Variants in INPP4B observed in about 807,000 individuals in gnomAD.
INPP4B encodes inositol polyphosphate 4-phosphatase type II.
In INPP4B, 55 loss-of-function variants were observed where a neutral mutation model predicts 122.5. That is an observed-to-expected ratio of 0.45 (90% confidence interval 0.36 to 0.56). The LOEUF (loss-of-function observed/expected upper bound fraction) is 0.56. Among genes scored for constraint, INPP4B ranks in the 20% least tolerant of loss-of-function variants. INPP4B has a pLI of 0.00. For missense variants in INPP4B, 1,000 were observed against 1,097.7 expected, an observed-to-expected ratio of 0.91 and a Z score of 1.26; for synonymous variants, 403 against 388.7, an observed-to-expected ratio of 1.04 and a Z score of -0.43.
At chr4:142,122,547 A>G (rs2152750629) in intron 20 of INPP4B, among the ~76,000 whole-genome samples, 1 of 152,206 alleles carries the variant, frequency 6.6e-6, no homozygotes, top group Admixed American at 6.6e-5. Flanking sequence ...TTCTACTGGC[A>G]GGACTGATAT....
chr4:142,290,026 C>T (rs1413556873), intron 9 of INPP4B, among the ~76,000 whole-genome samples: 2 of 151,908 alleles, frequency 1.3e-5, no homozygotes, highest in Admixed American at 1.3e-4. Context: ...TTCACTCTTG[C>T]TTTCCTTCAG....
At chr4:142,297,156 C>T (rs940839332) in intron 9 of INPP4B, among the ~76,000 whole-genome samples, 8 of 152,272 alleles carry the variant, frequency 5.3e-5, no homozygotes, top group African/African-American at 1.4e-4. Flanking sequence ...TATTTTTCTC[C>T]CAACTCTGGC....
chr4:142,102,756 C>T (rs931583242), intron 23 of INPP4B, among the ~76,000 whole-genome samples: 16 of 152,010 alleles, frequency 1.1e-4, no homozygotes, highest in African/African-American at 3.6e-4. Context: ...TTCTGTCTTA[C>T]GACTTCTGGT....
At chr4:142,223,947 A>G (rs1026907691) in intron 12 of INPP4B, among the ~76,000 whole-genome samples, 1 of 152,218 alleles carries the variant, frequency 6.6e-6, no homozygotes, top group Non-Finnish European at 1.5e-5. Context: ...TTTGATATAT[A>G]TGAGATTAAA....
chr4:142,394,833 T>A (rs1216774431), intron 7 of INPP4B, among the ~76,000 whole-genome samples: 1 of 152,256 alleles, frequency 6.6e-6, no homozygotes, highest in African/African-American at 2.4e-5. Context: ...TGTTTATTTT[T>A]GTTTTTGTTG....
At chr4:142,431,434 A>G in intron 3 of INPP4B, 49 bp from the exon 4 acceptor site, 2 of 598,188 alleles carry the variant, frequency 3.3e-6, no homozygotes, top group Non-Finnish European at 5.9e-6. Flanking sequence ...AGTTCAGTAT[A>G]AAGCTAAAAA....
At chr4:142,248,288 C>G (rs1414186210) in intron 11 of INPP4B, among the ~76,000 whole-genome samples, 1 of 151,632 alleles carries the variant, frequency 6.6e-6, no homozygotes, top group Non-Finnish European at 1.5e-5. Context: ...CCCGTTCCTC[C>G]CCCTCCTTTC....
At chr4:142,268,348 G>GAAAAAAAAAAAAAAAAAAAAAAAAAAAAA (rs1383781390) in intron 10 of INPP4B, among the ~76,000 whole-genome samples, 6 of 26,800 alleles carry the variant, frequency 2.2e-4, no homozygotes, top group Non-Finnish European at 5.8e-4. Context: ...AAAAAAAAAT[G>GAAAAAAAAAAAAAAAAAAAAAAAAAAAAA]AGGGGTAAGT....
chr4:142,513,256 CT>C (rs773776899), intron 2 of INPP4B, among the ~76,000 whole-genome samples: 1 of 152,120 alleles, frequency 6.6e-6, no homozygotes, highest in Non-Finnish European at 1.5e-5. Context: ...TACTGGGTGG[CT>C]TATGAAAAAA....
intron 11 of INPP4B, among the ~76,000 whole-genome samples, chr4:142,241,285 A>T (rs1000631237): frequency 2.0e-4 from 30 of 152,092 alleles, no homozygotes; most frequent in African/African-American, 7.2e-4. Context: ...GCGACCGATT[A>T]TATCAAAAGA....
At chr4:142,529,395 G>T (rs1324761281) in intron 2 of INPP4B, among the ~76,000 whole-genome samples, 2 of 151,958 alleles carry the variant, frequency 1.3e-5, no homozygotes, top group Non-Finnish European at 2.9e-5. Flanking sequence ...AATTGCAACT[G>T]TTTGAATGTA....
At chr4:142,386,623 C>T (rs768306405) in intron 7 of INPP4B, among the ~76,000 whole-genome samples, 9 of 152,114 alleles carry the variant, frequency 5.9e-5, no homozygotes, top group Non-Finnish European at 1.0e-4. Context: ...AGGCAAATGC[C>T]GAGCTGTAAC....
In INPP4B at chr4:142,023,997, A is replaced by C. The variant is rs1289980685; in HGVS notation, c.*4785T>G. The C allele has an allele frequency of 6.6e-6, 1 of 151,946 alleles. No homozygotes were observed. Among genetic ancestry groups the C allele is most frequent in the Non-Finnish European group, 1.5e-5 (1 of 67,978 alleles). The allele number at this position is 151,946 out of a possible 1,614,324, so 9.4% of individuals were successfully genotyped here. ...TATTTTTCCTGTCTCCTTGTTATTA[A>C]TAGCAAGACATATGTTCCTTTTAGA... On this transcript the variant is annotated 3_prime_UTR_variant, in exon 26 of 26. Transcript: ENST00000262992.
chr4:142,125,361 G>GAA (rs57841544), intron 18 of INPP4B, among the ~76,000 whole-genome samples: 110 of 146,652 alleles, frequency 7.5e-4, no homozygotes, highest in African/African-American at 2.0e-3. Flanking sequence ...AAAATATTTT[G>GAA]AAAAAAAAAC....
At chr4:142,370,742 C>G (rs553956187) in intron 7 of INPP4B, among the ~76,000 whole-genome samples, 1 of 152,018 alleles carries the variant, frequency 6.6e-6, no homozygotes, top group East Asian at 1.9e-4. Flanking sequence ...TAGTGAAAAG[C>G]CTTCATGATG....
chr4:142,296,622 A>G (rs1246432110), intron 9 of INPP4B, among the ~76,000 whole-genome samples: 1 of 152,252 alleles, frequency 6.6e-6, no homozygotes, highest in East Asian at 1.9e-4. Flanking sequence ...CGAAGTGGGT[A>G]CCACTAGTAT....
intron 10 of INPP4B, among the ~76,000 whole-genome samples, chr4:142,267,924 C>T (rs898632189): frequency 6.6e-6 from 1 of 151,846 alleles, no homozygotes; most frequent in Non-Finnish European, 1.5e-5. Flanking sequence ...ATACAAATGG[C>T]CAACGGATAT....
At chr4:142,050,484 A>C (rs2152388257) in intron 25 of INPP4B, among the ~76,000 whole-genome samples, 1 of 152,154 alleles carries the variant, frequency 6.6e-6, no homozygotes, top group Non-Finnish European at 1.5e-5. Context: ...AGGTTTTTAG[A>C]AATTTTCAGT....
At chr4:142,646,058 T>A (rs1327098214) in intron 2 of INPP4B, among the ~76,000 whole-genome samples, 3 of 152,176 alleles carry the variant, frequency 2.0e-5, no homozygotes, top group Non-Finnish European at 4.4e-5. Flanking sequence ...AACTGAAGGA[T>A]GACTGCAAAG....
Sources: gnomAD v4.1 joint callset for allele counts (sites outside exome capture counted in the v4.1 genomes callset) on GRCh38, gnomAD v4.1.1 for gene constraint, MANE v1.5 for transcripts, NCBI Gene and HGNC (gene_info 2026-07-23, HGNC 2026-07-21) for gene names.